RFPL3: variants seen among roughly 807,000 people sequenced by gnomAD.
The protein encoded by RFPL3 is ret finger protein-like 3.
A neutral mutation model predicts 8.7 loss-of-function variants in RFPL3; 8 were observed. That is an observed-to-expected ratio of 0.92 (90% CI 0.54 to 1.66). The LOEUF is 1.66. Among genes scored for constraint, RFPL3 ranks in the 40% most tolerant of loss-of-function variants. The probability of loss-of-function intolerance (pLI) is 0.00; values close to 1 mark genes in which losing one functional copy is unlikely to be tolerated. For missense variants in RFPL3, 341 were observed against 395.0 expected, an observed-to-expected ratio of 0.86 and a Z score of 1.16; for synonymous variants, 145 against 150.5, an observed-to-expected ratio of 0.96 and a Z score of 0.27.
chr22:32,355,781 CAAAAAAA>C (rs5844988), upstream of RFPL3, among the ~76,000 whole-genome samples: 466 of 99,962 alleles, frequency 4.7e-3, 5 homozygotes, highest in African/African-American at 0.015. Context: ...GACTTTGTCT[CAAAAAAA>C]AAAAAAAAAA....
Position 32,360,393 on chromosome 22 carries a change from C to A in RFPL3, c.515C>A (p.Ser172Tyr), listed in dbSNP as rs1005979676. The change falls in exon 2 of 2, where the codon TCC (serine) becomes TAC (tyrosine). Residue 172 changes from serine to tyrosine, a missense_variant. By Grantham distance (144) the Ser-to-Tyr change is moderately radical. Coordinates refer to ENST00000249007, the MANE Select transcript of RFPL3 (RefSeq NM_001098535.1). ...GACGTGTCCGTTTGCATCCTGGGCT[C>A]CCCTCGCTTTACCTGTGGCCGCCAC... is the stretch of plus-strand genomic sequence containing the variant. Reference protein sequence around the residue: ...RFDVSVCILGSPRFTCGRHYW... With the variant: ...RFDVSVCILGYPRFTCGRHYW... The A allele has an allele frequency of 6.2e-7, 1 of 1,613,794 alleles. No homozygotes were observed. The highest frequency in any genetic ancestry group is 8.5e-7 in the Non-Finnish European group (1 of 1,179,904).
chr22:32,359,994 GAAGAA>G, intron 1 of RFPL3: 1 of 503,320 alleles, frequency 2.0e-6, no homozygotes, highest in Non-Finnish European at 3.4e-6. Context: ...CACTCTAAAT[GAAGAA>G]AAGTTCAGTG....
chr22:32,355,291 G>A (rs897348897), upstream of RFPL3, among the ~76,000 whole-genome samples: 1 of 152,104 alleles, frequency 6.6e-6, no homozygotes, highest in African/African-American at 2.4e-5. Context: ...ATCAGAATAT[G>A]TAGTCCAAGA....
chr22:32,360,862 A>G lies in RFPL3; in HGVS notation c.*30A>G, dbSNP rs1228944963. On this transcript the variant is annotated 3_prime_UTR_variant, in exon 2 of 2. Coordinates refer to ENST00000249007, the MANE Select transcript of RFPL3 (RefSeq NM_001098535.1). ...CCACTGCAAAAAAAAACAGGGTCAG[A>G]AAATTACTTGGGTGGGTAGACTTAG... 2.7e-6 allele frequency: 4 copies of G among 1,507,024 alleles called. No individual in the cohort carries two copies. Among genetic ancestry groups the G allele is most frequent in the Non-Finnish European group, 3.5e-6 (4 of 1,129,324 alleles). The allele number at this position is 1,507,024 out of a possible 1,614,324, so 93.4% of individuals were successfully genotyped here. A position where few individuals can be genotyped will look rare whatever the true frequency, so the allele number is the denominator to read the frequency against.
upstream of RFPL3, among the ~76,000 whole-genome samples, chr22:32,355,905 C>T (rs1932651932): frequency 6.6e-6 from 1 of 152,148 alleles, no homozygotes; most frequent in African/African-American, 2.4e-5. Context: ...TATTACCCTC[C>T]TTGCACTGCT....
chr22:32,356,077 T>C (rs77546828), upstream of RFPL3, among the ~76,000 whole-genome samples: 2,369 of 152,170 alleles, frequency 0.016, 64 homozygotes, highest in African/African-American at 0.055. Flanking sequence ...CTCATGAATT[T>C]GACGATGCAA....
At chr22:32,357,175 C>T (rs952330622), upstream of RFPL3, among the ~76,000 whole-genome samples, 2 of 152,008 alleles carry the variant, frequency 1.3e-5, no homozygotes, top group Admixed American at 6.5e-5. Context: ...AGGGAACCTC[C>T]GAGCCTGTCC....
At chr22:32,355,009 C>T (rs773335843), upstream of RFPL3, 12 of 152,290 alleles carry the variant, frequency 7.9e-5, no homozygotes, top group Non-Finnish European at 1.3e-4. Context: ...TTTCTTTTTC[C>T]TCTAAGCCAG....
chr22:32,354,886 G>A (rs371638920), upstream of RFPL3: 1 of 152,388 alleles, frequency 6.6e-6, no homozygotes, highest in African/African-American at 2.4e-5. Flanking sequence ...CCGCACCAAC[G>A]GCAGCAGCGA....
chr22:32,360,495 A>C lies in RFPL3; in HGVS notation c.617A>C (p.Lys206Thr). 6.2e-7 allele frequency: 1 copy of C among 1,613,976 alleles called. No homozygotes were observed. The highest frequency in any genetic ancestry group is 2.2e-5 in the East Asian group (1 of 44,888). ...AGAGAATCTGTTCACTGCAAAGGGA[A>C]GATCCAGCTGACCACAGAGCTTGGA... ...VCRESVHCKG[K>T]IQLTTELGFW... The change falls in exon 2 of 2, where the codon AAG becomes ACG. Residue 206 changes from lysine (K) to threonine (T), a missense_variant. Physicochemically the swap from Lys to Thr is moderately conservative, Grantham distance 78. Coordinates refer to ENST00000249007, the MANE Select transcript of RFPL3 (RefSeq NM_001098535.1).
upstream of RFPL3, among the ~76,000 whole-genome samples, chr22:32,355,697 C>T (rs182544016): frequency 8.1e-4 from 121 of 149,548 alleles, no homozygotes; most frequent in African/African-American, 2.9e-3. Context: ...GCAGGAGAAT[C>T]GCTTGAACCT....
chr22:32,358,384 G>T lies in RFPL3; in HGVS notation c.313G>T (p.Glu105Ter), dbSNP rs763646050. 16 of 1,613,920 alleles carry T rather than the reference G, an allele frequency of 9.9e-6. No individual in the cohort carries two copies. The highest frequency in any genetic ancestry group is 8.3e-5 in the Admixed American group (5 of 59,992). ...QLERLVSHIK[E>*]LEPKLKKILQ... ...AGAGAGGCTGGTTTCCCACATCAAG[G>T]AACTGGAGCCCAAGCTGAAGAAGAT... The change falls in exon 1 of 2, where the codon GAA becomes TAA. Residue 105 changes from glutamate (E) to a stop codon, truncating the protein, a stop_gained. Transcript: ENST00000249007. LOFTEE classifies it high-confidence loss of function.
chr22:32,357,845 C>T (rs1296811521), upstream of RFPL3: 9 of 1,416,860 alleles, frequency 6.4e-6, no homozygotes, highest in East Asian at 5.2e-5. Flanking sequence ...GACCCCAGCT[C>T]GCTGTTCCTC....
At chr22:32,357,250 TTTTTCTTTTC>T (rs200467406), upstream of RFPL3, among the ~76,000 whole-genome samples, 1 of 152,096 alleles carries the variant, frequency 6.6e-6, no homozygotes, top group African/African-American at 2.4e-5. Context: ...GATGTAATTT[TTTTTCTTTTC>T]TTTTCTTTTG....
chr22:32,358,291 G>A lies in RFPL3; in HGVS notation c.220G>A (p.Glu74Lys). ...INSLQKEPHG[E>K]DLLCCCCSMV... ...TTCGCTGCAGAAGGAGCCCCATGGG[G>A]AGGATCTGCTTTGCTGTTGCTGTTC... The change falls in exon 1 of 2, where the codon GAG (glutamate) becomes AAG (lysine). Residue 74 changes from glutamate (E) to lysine (K), a missense_variant. Physicochemically the swap from Glu to Lys is moderately conservative, Grantham distance 56. Coordinates refer to ENST00000249007, the MANE Select transcript of RFPL3 (RefSeq NM_001098535.1). The A allele has an allele frequency of 6.2e-7, 1 of 1,614,016 alleles. No individual in the cohort carries two copies. Among genetic ancestry groups the A allele is most frequent in the Non-Finnish European group, 8.5e-7 (1 of 1,179,904 alleles).
At chr22:32,357,080 G>T (rs1932690772), upstream of RFPL3, 3 of 350,618 alleles carry the variant, frequency 8.6e-6, no homozygotes, top group Non-Finnish European at 1.7e-5. Flanking sequence ...GGCCCCCTCA[G>T]TGCCAGTGTA....
upstream of RFPL3, among the ~76,000 whole-genome samples, chr22:32,355,323 T>C (rs574924776): frequency 3.4e-4 from 52 of 152,132 alleles, no homozygotes; most frequent in African/African-American, 1.2e-3. Context: ...ATAACCTCGG[T>C]AAGGGGAAGT....
intron 1 of RFPL3, among the ~76,000 whole-genome samples, chr22:32,359,424 T>A (rs2145869418): frequency 6.6e-6 from 1 of 152,324 alleles, no homozygotes. Context: ...TGTAGATTTT[T>A]TTTTTTCAGA....
At position 32,360,264 on chromosome 22, in the gene RFPL3, T is replaced by C. The variant is rs764536235; in HGVS notation, c.386T>C (p.Leu129Ser). ...RMRKFQVDMT[L>S]DADTANNFLL... ...TTCCTTTTCACAGTGGATATGACCT[T>C]GGATGCCGACACAGCCAACAACTTC... Residue 129 changes from leucine (L) to serine (S), a missense_variant, in exon 2 of 2, where the codon TTG (leucine) becomes TCG (serine). Coordinates refer to ENST00000249007, the MANE Select transcript of RFPL3 (RefSeq NM_001098535.1). 6 of 1,613,222 alleles carry C rather than the reference T, an allele frequency of 3.7e-6. No individual in the cohort carries two copies. The highest frequency in any genetic ancestry group is 4.5e-5 in the East Asian group (2 of 44,864).
Sources: gnomAD v4.1 joint callset for allele counts (sites outside exome capture counted in the v4.1 genomes callset) on GRCh38, gnomAD v4.1.1 for gene constraint, MANE v1.5 for transcripts, NCBI Gene and HGNC (gene_info 2026-07-23, HGNC 2026-07-21) for gene names.